The following KIF26B variants were observed in gnomAD, a reference collection of about 807,000 sequenced individuals.
The protein encoded by KIF26B is kinesin-like protein KIF26B.
KIF26B carries 63 observed loss-of-function variants against 151.2 expected under a neutral mutation model. The observed-to-expected ratio is 0.42, with a 90% CI of 0.34 to 0.51. KIF26B has a LOEUF of 0.51. Among genes scored for constraint, KIF26B ranks in the 20% least tolerant of loss-of-function variants. The pLI, the probability that KIF26B is intolerant of heterozygous loss-of-function variation, is 0.07. For missense variants in KIF26B, 2,813 were observed against 2,913.6 expected, an observed-to-expected ratio of 0.97 and a Z score of 0.79; for synonymous variants, 1,357 against 1,262.1, an observed-to-expected ratio of 1.08 and a Z score of -1.59.
chr1:245,289,633 C>T (rs923100870), intron 2 of KIF26B, among the ~76,000 whole-genome samples: 1 of 152,070 alleles, frequency 6.6e-6, no homozygotes, highest in Non-Finnish European at 1.5e-5. Context: ...CCTTTCTCAT[C>T]CATCTGAATT....
intron 2 of KIF26B, 113 bp from the exon 3 acceptor site, chr1:245,366,721 C>A: frequency 1.0e-6 from 1 of 994,878 alleles, no homozygotes; most frequent in Non-Finnish European, 1.5e-6. Flanking sequence ...GCCAATCAAA[C>A]TATCCAACTC....
intron 4 of KIF26B, among the ~76,000 whole-genome samples, chr1:245,465,680 G>C (rs184399659): frequency 3.0e-4 from 45 of 151,982 alleles, no homozygotes; most frequent in Admixed American, 4.6e-4. Flanking sequence ...GTCTAACGGA[G>C]AGTTTTTGGA....
chr1:245,426,672 G>T (rs193172025), intron 4 of KIF26B, among the ~76,000 whole-genome samples: 1 of 152,184 alleles, frequency 6.6e-6, no homozygotes, highest in African/African-American at 2.4e-5. Flanking sequence ...ACCAAGCCCC[G>T]CTCAGGCCCT....
At chr1:245,303,238 G>T (rs575870573) in intron 2 of KIF26B, among the ~76,000 whole-genome samples, 4 of 124,172 alleles carry the variant, frequency 3.2e-5, no homozygotes, top group African/African-American at 6.4e-5. Context: ...TCGCTTTGTC[G>T]CCCAGGCCGG....
chr1:245,413,784 G>A (rs1007914458), intron 3 of KIF26B, among the ~76,000 whole-genome samples: 4 of 152,140 alleles, frequency 2.6e-5, no homozygotes, highest in African/African-American at 4.8e-5. Flanking sequence ...GGGCAGCCTC[G>A]AGTTAGGAAG....
intron 4 of KIF26B, among the ~76,000 whole-genome samples, chr1:245,461,360 C>A (rs1659640964): frequency 6.6e-6 from 1 of 151,848 alleles, no homozygotes; most frequent in Admixed American, 6.6e-5. Context: ...GGGCTCACTG[C>A]AGCCTTGACC....
intron 3 of KIF26B, among the ~76,000 whole-genome samples, chr1:245,384,070 G>C (rs958318284): frequency 1.2e-4 from 18 of 152,208 alleles, no homozygotes; most frequent in Non-Finnish European, 1.9e-4. Flanking sequence ...TACCTGCACA[G>C]AGAAAAACTG....
chr1:245,499,757 A>C (rs1006478538), intron 4 of KIF26B, among the ~76,000 whole-genome samples: 1 of 152,218 alleles, frequency 6.6e-6, no homozygotes, highest in African/African-American at 2.4e-5. Context: ...CTGGGCCTGG[A>C]GGGCCATAGA....
chr1:245,456,569 A>G (rs867171158), intron 4 of KIF26B, among the ~76,000 whole-genome samples: 1 of 152,198 alleles, frequency 6.6e-6, no homozygotes, highest in Non-Finnish European at 1.5e-5. Context: ...GAATGTTTTC[A>G]TGTGTCTATC....
chr1:245,287,639 G>T (rs560774347), intron 2 of KIF26B, among the ~76,000 whole-genome samples: 2 of 152,094 alleles, frequency 1.3e-5, no homozygotes, highest in East Asian at 3.9e-4. Context: ...AATTAGCTGG[G>T]ATTACAGGCA....
At chr1:245,515,219 C>T (rs1035955976) in intron 4 of KIF26B, among the ~76,000 whole-genome samples, 5 of 152,166 alleles carry the variant, frequency 3.3e-5, no homozygotes, top group Non-Finnish European at 5.9e-5. Flanking sequence ...ACGACGGGTC[C>T]TCCTCCTGGC....
At chr1:245,384,571 C>G (rs1397191511) in intron 3 of KIF26B, among the ~76,000 whole-genome samples, 1 of 152,174 alleles carries the variant, frequency 6.6e-6, no homozygotes, top group Non-Finnish European at 1.5e-5. Flanking sequence ...CAAGCATGAA[C>G]CGCCATGCCT....
At position 245,707,840 on chromosome 1, in the gene KIF26B, T is replaced by C. The variant is rs1239330452; in HGVS notation, c.*5234T>C. The C allele has an allele frequency of 6.6e-6, 1 of 152,226 alleles. No homozygotes were observed. The highest frequency in any genetic ancestry group is 1.5e-5 in the Non-Finnish European group (1 of 68,044). The allele number at this position is 152,226 out of a possible 1,614,324, so 9.4% of individuals were successfully genotyped here. ...CTTGCACGGAAGAGGACTCAGCCTC[T>C]TCCTAATGGTTCAACATTCAATTCC... On this transcript the variant is annotated 3_prime_UTR_variant, in exon 15 of 15. Transcript: ENST00000407071.
chr1:245,585,527 C>T (rs1485667489), intron 5 of KIF26B, among the ~76,000 whole-genome samples: 1 of 148,026 alleles, frequency 6.8e-6, no homozygotes, highest in African/African-American at 2.5e-5. Context: ...TCCTTCTCCA[C>T]TAGGGAAAAA....
intron 4 of KIF26B, among the ~76,000 whole-genome samples, chr1:245,487,323 T>C (rs1319427528): frequency 6.6e-6 from 1 of 152,122 alleles, no homozygotes; most frequent in East Asian, 1.9e-4. Context: ...TTTGCAGGGC[T>C]CAGTGCAAAA....
At chr1:245,248,827 A>T (rs950590935) in intron 2 of KIF26B, among the ~76,000 whole-genome samples, 1 of 152,220 alleles carries the variant, frequency 6.6e-6, no homozygotes, top group Non-Finnish European at 1.5e-5. Flanking sequence ...GATCGAGGAA[A>T]TCAAGTGTAA....
At chr1:245,639,796 G>A (rs1385911977) in intron 9 of KIF26B, among the ~76,000 whole-genome samples, 1 of 151,214 alleles carries the variant, frequency 6.6e-6, no homozygotes, top group Non-Finnish European at 1.5e-5. Flanking sequence ...GTTATTTATA[G>A]TTTTATTCTG....
chr1:245,539,698 C>G (rs185215582), intron 4 of KIF26B, among the ~76,000 whole-genome samples: 359 of 152,266 alleles, frequency 2.4e-3, no homozygotes, highest in African/African-American at 8.3e-3. Context: ...TGTCACCCAG[C>G]CTGGAGAGCA....
At chr1:245,486,023 C>T (rs1050946498) in intron 4 of KIF26B, among the ~76,000 whole-genome samples, 17 of 152,198 alleles carry the variant, frequency 1.1e-4, no homozygotes, top group African/African-American at 3.1e-4. Context: ...TAAGTGAGCC[C>T]TCTTTTCAAA....
Sources: gnomAD v4.1 joint callset for allele counts (sites outside exome capture counted in the v4.1 genomes callset) on GRCh38, gnomAD v4.1.1 for gene constraint, MANE v1.5 for transcripts, NCBI Gene and HGNC (gene_info 2026-07-23, HGNC 2026-07-21) for gene names.